GRID2: variants seen among roughly 807,000 people sequenced by gnomAD.
GRID2 encodes glutamate receptor ionotropic, delta-2.
A neutral mutation model predicts 114.8 loss-of-function variants in GRID2; 33 were observed. That is an observed-to-expected ratio of 0.29 (90% CI 0.22 to 0.38). The LOEUF is 0.38. Ranked by LOEUF, GRID2 falls within the 10% of genes least tolerant of loss-of-function variation. GRID2 has a pLI of 1.00. For missense variants in GRID2, 1,184 were observed against 1,257.7 expected (o/e 0.94, Z 0.89); for synonymous variants, 505 against 449.9 (o/e 1.12, Z -1.55).
chr4:92,552,444 G>A (rs369066291), intron 1 of GRID2, among the ~76,000 whole-genome samples: 6 of 152,236 alleles, frequency 3.9e-5, no homozygotes, highest in South Asian at 2.1e-4. Flanking sequence ...CAGAAGGAAC[G>A]GTTGGAGAGG....
intron 8 of GRID2, among the ~76,000 whole-genome samples, chr4:93,293,889 C>G (rs938724072): frequency 3.3e-5 from 5 of 152,104 alleles, no homozygotes; most frequent in Non-Finnish European, 7.3e-5. Flanking sequence ...ACAAAAAATG[C>G]TTGGTATTAA....
At chr4:92,429,585 A>G (rs771555617) in intron 1 of GRID2, among the ~76,000 whole-genome samples, 3 of 152,166 alleles carry the variant, frequency 2.0e-5, no homozygotes, top group Non-Finnish European at 4.4e-5. Context: ...TCTTTGATAT[A>G]CTAATTTCCT....
At chr4:92,943,727 T>C (rs1027316591) in intron 2 of GRID2, among the ~76,000 whole-genome samples, 1 of 152,184 alleles carries the variant, frequency 6.6e-6, no homozygotes, top group South Asian at 2.1e-4. Context: ...CTTTTGGTCT[T>C]TGATGATGGT....
chr4:92,906,703 C>T (rs1196419855), intron 2 of GRID2, among the ~76,000 whole-genome samples: 1 of 152,144 alleles, frequency 6.6e-6, no homozygotes, highest in African/African-American at 2.4e-5. Flanking sequence ...ACTGCAACCT[C>T]CACCTCCTGG....
At chr4:93,394,853 A>G (rs1765181647) in intron 8 of GRID2, among the ~76,000 whole-genome samples, 1 of 151,894 alleles carries the variant, frequency 6.6e-6, no homozygotes, top group Non-Finnish European at 1.5e-5. Context: ...CTTTCTCCAT[A>G]TTTTTGATTG....
chr4:93,174,267 T>TC, intron 4 of GRID2, among the ~76,000 whole-genome samples: 1 of 152,092 alleles, frequency 6.6e-6, no homozygotes, highest in South Asian at 2.1e-4. Flanking sequence ...CTCAGATACC[T>TC]CCCCCCAAAA....
intron 2 of GRID2, among the ~76,000 whole-genome samples, chr4:92,941,530 C>G (rs1015877464): frequency 6.6e-6 from 1 of 152,128 alleles, no homozygotes; most frequent in African/African-American, 2.4e-5. Context: ...CTCCTGGATT[C>G]ATTGATTTTT....
intron 2 of GRID2, among the ~76,000 whole-genome samples, chr4:92,625,757 T>C (rs1460899745): frequency 6.6e-6 from 1 of 151,960 alleles, no homozygotes; most frequent in Non-Finnish European, 1.5e-5. Flanking sequence ...ATTCTTATGC[T>C]AGCCTATATT....
chr4:92,824,497 A>C (rs1278869840), intron 2 of GRID2, among the ~76,000 whole-genome samples: 2 of 152,024 alleles, frequency 1.3e-5, no homozygotes, highest in Non-Finnish European at 2.9e-5. Context: ...CAAAAGAATA[A>C]ATTAATTATT....
At chr4:93,567,270 A>G (rs1352348519) in intron 13 of GRID2, among the ~76,000 whole-genome samples, 1 of 152,184 alleles carries the variant, frequency 6.6e-6, no homozygotes, top group Non-Finnish European at 1.5e-5. Context: ...CCTATTTACA[A>G]TACCATTTTC....
chr4:93,651,530 A>G (rs978463309), intron 14 of GRID2, among the ~76,000 whole-genome samples: 1 of 152,170 alleles, frequency 6.6e-6, no homozygotes, highest in African/African-American at 2.4e-5. Context: ...TGTTAGGCAG[A>G]GCATTTAATG....
chr4:92,659,560 G>C (rs1732419372), intron 2 of GRID2, among the ~76,000 whole-genome samples: 1 of 151,422 alleles, frequency 6.6e-6, no homozygotes, highest in Admixed American at 6.6e-5. Context: ...TCATAATACA[G>C]TATTCTTATG....
intron 1 of GRID2, among the ~76,000 whole-genome samples, chr4:92,362,131 T>C (rs1299036945): frequency 2.6e-5 from 4 of 152,054 alleles, no homozygotes; most frequent in Non-Finnish European, 4.4e-5. Flanking sequence ...GTAGTTATCA[T>C]AGGAGCCAAA....
At chr4:93,793,078 T>C (rs1284951319) in intron 1 of GRID2, among the ~76,000 whole-genome samples, 1 of 152,198 alleles carries the variant, frequency 6.6e-6, no homozygotes, top group Non-Finnish European at 1.5e-5. Context: ...TTATGCTCGA[T>C]CCCACTATGC....
intron 2 of GRID2, among the ~76,000 whole-genome samples, chr4:93,033,742 T>C (rs938864901): frequency 1.3e-5 from 2 of 152,166 alleles, no homozygotes; most frequent in Non-Finnish European, 2.9e-5. Context: ...TTGTTTTCCA[T>C]TTGAAGAGGT....
intron 13 of GRID2, among the ~76,000 whole-genome samples, chr4:93,622,464 C>A (rs897101221): frequency 6.6e-6 from 1 of 152,152 alleles, no homozygotes; most frequent in African/African-American, 2.4e-5. Flanking sequence ...CATCATCATG[C>A]AGTAACTTTG....
chr4:92,691,382 G>A (rs1734175547), intron 2 of GRID2, among the ~76,000 whole-genome samples: 1 of 152,042 alleles, frequency 6.6e-6, no homozygotes, highest in Non-Finnish European at 1.5e-5. Context: ...TGAAGGGACT[G>A]TTTACACATT....
chr4:93,275,697 T>C (rs762911620), intron 8 of GRID2, among the ~76,000 whole-genome samples: 6 of 151,946 alleles, frequency 3.9e-5, no homozygotes, highest in Non-Finnish European at 8.8e-5. Flanking sequence ...CATTATGTTT[T>C]TGATTTGCAT....
At chr4:92,423,492 G>T (rs762066447) in intron 1 of GRID2, among the ~76,000 whole-genome samples, 1 of 152,086 alleles carries the variant, frequency 6.6e-6, no homozygotes, top group South Asian at 2.1e-4. Flanking sequence ...TTAGGGACAC[G>T]ATACTAGAAA....
Sources: gnomAD v4.1 joint callset for allele counts (sites outside exome capture counted in the v4.1 genomes callset) on GRCh38, gnomAD v4.1.1 for gene constraint, MANE v1.5 for transcripts, NCBI Gene and HGNC (gene_info 2026-07-23, HGNC 2026-07-21) for gene names.